Variants in FAM234A observed in about 807,000 individuals in gnomAD.
The protein encoded by FAM234A is protein FAM234A.
In FAM234A, 42 loss-of-function variants were observed where a neutral mutation model predicts 49.1. The ratio of observed to expected loss-of-function variants is 0.86; its 90% CI spans 0.67 to 1.11. FAM234A has a LOEUF of 1.11. Among genes scored for constraint, FAM234A ranks in the 50% least tolerant of loss-of-function variants. The pLI is 0.00. For missense variants in FAM234A, 815 were observed against 745.2 expected (o/e 1.09, Z -1.09); for synonymous variants, 369 against 316.2 (o/e 1.17, Z -1.77).
intron 1 of FAM234A, among the ~76,000 whole-genome samples, chr16:243,297 T>C (rs1450221699): frequency 1.3e-5 from 2 of 151,938 alleles, no homozygotes; most frequent in African/African-American, 2.4e-5. Flanking sequence ...AAATTTTTGG[T>C]TATTAGCTTG....
rs572676119 is a variant in FAM234A, at chr16:238,577, T to G, written c.-140+3720T>G. Reference sequence around the variant, plus strand: ...GTCAGGAGATCGAGACCATCCTGGCTAACACAGTGAAATCCCGTCTCTACT... The same window carrying G: ...GTCAGGAGATCGAGACCATCCTGGCGAACACAGTGAAATCCCGTCTCTACT... On this transcript the variant is annotated intron_variant, in intron 1 of 12. Coordinates refer to ENST00000399932, the MANE Select transcript of FAM234A (RefSeq NM_032039.4). 6.6e-5 allele frequency among the ~76,000 whole-genome samples: 10 copies of G among 151,736 alleles called. 1 individual carries two copies. In the South Asian group the frequency reaches 1.9e-3, roughly 28 times the overall value.
downstream of FAM234A, chr16:269,021 C>A: frequency 7.5e-7 from 1 of 1,329,800 alleles, no homozygotes; most frequent in Non-Finnish European, 1.1e-6. Flanking sequence ...AGGCTCTGCC[C>A]TGACCCAAGC....
chr16:268,784 TG>T (rs1484091072), downstream of FAM234A: 4 of 1,550,120 alleles, frequency 2.6e-6, no homozygotes, highest in South Asian at 3.6e-5. Flanking sequence ...AGGCTCACAC[TG>T]GGCGACAGCG....
downstream of FAM234A, among the ~76,000 whole-genome samples, chr16:267,778 C>T (rs1467306363): frequency 7.4e-6 from 1 of 134,882 alleles, no homozygotes; most frequent in Non-Finnish European, 1.5e-5. Context: ...CGTGCACACA[C>T]CACACATGCC....
chr16:247,236 C>G (rs1158798138), intron 1 of FAM234A, among the ~76,000 whole-genome samples: 1 of 151,792 alleles, frequency 6.6e-6, no homozygotes, highest in Non-Finnish European at 1.5e-5. Flanking sequence ...CTTCAAGTGA[C>G]CCTCCCACCT....
At position 246,295 on chromosome 16, in the gene FAM234A, T is replaced by G. The variant is rs192877158; in HGVS notation, c.-139-3254T>G. ...TCTTGATTGGTGGATTTTTTTTTTTTTTTGTGACGAGGTCTCACTCTCACC... is the reference window on the plus strand; with the variant it reads ...TCTTGATTGGTGGATTTTTTTTTTTGTTTGTGACGAGGTCTCACTCTCACC... On this transcript the variant is annotated intron_variant, in intron 1 of 12. Transcript: ENST00000399932. 3.9e-3 allele frequency among the ~76,000 whole-genome samples: 584 copies of G among 150,630 alleles called. 4 individuals are homozygous for G. The highest frequency in any genetic ancestry group is 0.013 in the African/African-American group (534 of 41,240).
At position 265,294 on chromosome 16, in the gene FAM234A, C is replaced by A; in HGVS notation, c.*272C>A. On this transcript the variant is annotated 3_prime_UTR_variant, in exon 13 of 13. Coordinates refer to ENST00000399932, the MANE Select transcript of FAM234A (RefSeq NM_032039.4). ...GCACCCCACCAGGGTCCCGCTCACACCAGGCAGCCTTCATAGTGGTCTCCC... is the reference window on the plus strand; with the variant it reads ...GCACCCCACCAGGGTCCCGCTCACAACAGGCAGCCTTCATAGTGGTCTCCC... The A allele has an allele frequency of 7.9e-7, 1 of 1,269,142 alleles. No homozygotes were observed. Among genetic ancestry groups the A allele is most frequent in the Non-Finnish European group, 1.0e-6 (1 of 1,004,520 alleles). 78.6% of individuals were successfully genotyped at this position (1,269,142 alleles called of 1,614,324 possible). A position where few individuals can be genotyped will look rare whatever the true frequency, so the allele number is the denominator to read the frequency against.
intron 4 of FAM234A, 139 bp downstream of exon 4, chr16:259,738 G>A: frequency 1.3e-6 from 1 of 741,516 alleles, no homozygotes. Context: ...CTTCCTGGCA[G>A]ACCAGAAAGA....
At chr16:268,565 C>A (rs1002383218), downstream of FAM234A, 12 of 602,234 alleles carry the variant, frequency 2.0e-5, no homozygotes, top group African/African-American at 1.9e-4. Context: ...AAGGATCCAC[C>A]CTATGGAATC....
chr16:260,706 C>T (rs1383192637), intron 5 of FAM234A: 6 of 460,116 alleles, frequency 1.3e-5, no homozygotes, highest in Admixed American at 7.2e-5. Context: ...GATTTCTGTG[C>T]CTAGATTTGG....
chr16:246,744 G>A (rs1270720329), intron 1 of FAM234A, among the ~76,000 whole-genome samples: 2 of 145,486 alleles, frequency 1.4e-5, no homozygotes, highest in Non-Finnish European at 3.0e-5. Flanking sequence ...TTTTTCGATC[G>A]ATTGGTGTTT....
chr16:242,729 C>T (rs1187454503), intron 1 of FAM234A, among the ~76,000 whole-genome samples: 3 of 151,662 alleles, frequency 2.0e-5, no homozygotes, highest in Non-Finnish European at 2.9e-5. Context: ...TCTCCTGCCT[C>T]AGCCTCCTGA....
At position 265,455 on chromosome 16, in the gene FAM234A, C is replaced by G. The variant is rs2051661910; in HGVS notation, c.*433C>G. On this transcript the variant is annotated 3_prime_UTR_variant, in exon 13 of 13. Transcript: ENST00000399932. ...TGTCCCCGGGACAGGCCGTCCCCCACCCCATCCTGTAGAAGTCCATTCCCC... is the reference window on the plus strand; with the variant it reads ...TGTCCCCGGGACAGGCCGTCCCCCAGCCCATCCTGTAGAAGTCCATTCCCC... 2.0e-6 allele frequency: 2 copies of G among 999,946 alleles called. No homozygotes were observed. Among genetic ancestry groups the G allele is most frequent in the African/African-American group, 3.5e-5 (2 of 57,676 alleles). 61.9% of individuals were successfully genotyped at this position (999,946 alleles called of 1,614,324 possible). A position where few individuals can be genotyped will look rare whatever the true frequency, so the allele number is the denominator to read the frequency against.
chr16:251,358 T>G (rs1433022232), intron 2 of FAM234A, among the ~76,000 whole-genome samples: 2 of 152,166 alleles, frequency 1.3e-5, no homozygotes, highest in Non-Finnish European at 2.9e-5. Flanking sequence ...TGTTTGAGCC[T>G]CTGCAGTAGG....
chr16:260,874 G>C (rs2051437536), intron 5 of FAM234A: 1 of 340,952 alleles, frequency 2.9e-6, no homozygotes, highest in South Asian at 2.2e-5. Flanking sequence ...CCTGTGGTCA[G>C]TAGATCTGCC....
At chr16:243,272 C>T (rs960165724) in intron 1 of FAM234A, among the ~76,000 whole-genome samples, 11 of 152,206 alleles carry the variant, frequency 7.2e-5, no homozygotes, top group Non-Finnish European at 1.2e-4. Context: ...AACCACCCTG[C>T]CCGGCCATGA....
intron 5 of FAM234A, 82 bp downstream of exon 5, chr16:260,242 G>T: frequency 7.7e-7 from 1 of 1,304,606 alleles, no homozygotes; most frequent in Non-Finnish European, 1.1e-6. Flanking sequence ...CCAGGAGGCC[G>T]CGACGAGGCT....
At chr16:263,177 T>C in intron 8 of FAM234A, 85 bp from the exon 9 acceptor site, 1 of 1,521,636 alleles carries the variant, frequency 6.6e-7, no homozygotes, top group Non-Finnish European at 8.9e-7. Context: ...AGGAGCACCC[T>C]GAGACGGGCG....
At chr16:256,430 G>A (rs2051235647) in intron 3 of FAM234A, among the ~76,000 whole-genome samples, 1 of 152,050 alleles carries the variant, frequency 6.6e-6, no homozygotes, top group Admixed American at 6.6e-5. Flanking sequence ...TGAAAATGTT[G>A]GGTCCCTCTT....
Sources: gnomAD v4.1 joint callset for allele counts (sites outside exome capture counted in the v4.1 genomes callset) on GRCh38, gnomAD v4.1.1 for gene constraint, MANE v1.5 for transcripts, NCBI Gene and HGNC (gene_info 2026-07-23, HGNC 2026-07-21) for gene names.